PALLD: variants seen among roughly 807,000 people sequenced by gnomAD.
The protein encoded by PALLD is palladin, cytoskeletal associated protein.
A neutral mutation model predicts 123.5 loss-of-function variants in PALLD; 61 were observed. That is an observed-to-expected ratio of 0.49 (90% CI 0.40 to 0.61). The LOEUF (loss-of-function observed/expected upper bound fraction) is 0.61, where lower values mean the gene tolerates loss of function less well. Ranked by LOEUF, PALLD falls within the 20% of genes least tolerant of loss-of-function variation. The pLI, the probability that PALLD is intolerant of heterozygous loss-of-function variation, is 0.00. For synonymous variants in PALLD, 465 were observed against 496.4 expected, an observed-to-expected ratio of 0.94 and a Z score of 0.84; for missense variants, 1,273 against 1,377.0, an observed-to-expected ratio of 0.92 and a Z score of 1.20.
chr4:168,673,908 G>GTC (rs1389246171), intron 3 of PALLD, among the ~76,000 whole-genome samples: 1 of 151,740 alleles, frequency 6.6e-6, no homozygotes, highest in Admixed American at 6.6e-5. Flanking sequence ...GTGTGTGTGT[G>GTC]TGTGTGTGTC....
intron 10 of PALLD, among the ~76,000 whole-genome samples, chr4:168,798,984 G>A (rs548430100): frequency 2.6e-5 from 4 of 152,182 alleles, no homozygotes; most frequent in East Asian, 1.9e-4. Context: ...CGGGCAGCCC[G>A]CAGAATCACA....
intron 2 of PALLD, among the ~76,000 whole-genome samples, chr4:168,620,140 G>A (rs1389405144): frequency 6.6e-6 from 1 of 152,196 alleles, no homozygotes; most frequent in Non-Finnish European, 1.5e-5. Flanking sequence ...TTAATTTTGT[G>A]TTTGCTTTAA....
intron 10 of PALLD, among the ~76,000 whole-genome samples, chr4:168,738,800 T>C (rs1026902595): frequency 2.0e-5 from 3 of 151,594 alleles, no homozygotes; most frequent in Non-Finnish European, 4.4e-5. Flanking sequence ...TTTCATTATC[T>C]TACTCTTTTT....
intron 2 of PALLD, among the ~76,000 whole-genome samples, chr4:168,616,157 T>C (rs1247157053): frequency 2.0e-5 from 3 of 152,198 alleles, no homozygotes; most frequent in Non-Finnish European, 4.4e-5. Flanking sequence ...TATCCTGCCT[T>C]CATTTTGAGT....
intron 10 of PALLD, among the ~76,000 whole-genome samples, chr4:168,846,046 A>T (rs1282578478): frequency 6.6e-6 from 1 of 151,930 alleles, no homozygotes; most frequent in Admixed American, 6.6e-5. Context: ...TCTTTTTGCT[A>T]CTCTTCTGTC....
intron 2 of PALLD, among the ~76,000 whole-genome samples, chr4:168,634,236 AAC>A (rs1447556780): frequency 6.6e-6 from 1 of 152,230 alleles, no homozygotes; most frequent in African/African-American, 2.4e-5. Context: ...TTCTAATCGT[AAC>A]ACATATTATA....
At chr4:168,665,505 G>A (rs1432313557) in intron 2 of PALLD, among the ~76,000 whole-genome samples, 1 of 152,210 alleles carries the variant, frequency 6.6e-6, no homozygotes, top group African/African-American at 2.4e-5. Context: ...GGAGCTTGCA[G>A]TGAGCTGAGA....
chr4:168,860,199 G>A (rs116386885), intron 10 of PALLD, among the ~76,000 whole-genome samples: 1,634 of 152,250 alleles, frequency 0.011, 33 homozygotes, highest in African/African-American at 0.037. Flanking sequence ...AACTGCTGCT[G>A]AGTGTACAAA....
chr4:168,527,422 C>CAAAAAAAAAAAAAAAAAAA lies in PALLD; in HGVS notation c.908+15014_908+15032dup, dbSNP rs35555541. 1.9e-3 allele frequency among the ~76,000 whole-genome samples: 99 copies of CAAAAAAAAAAAAAAAAAAA among 52,914 alleles called. 8 individuals are homozygous for CAAAAAAAAAAAAAAAAAAA. The highest frequency in any genetic ancestry group is 3.3e-3 in the African/African-American group (29 of 8,860). The allele number at this position is 52,914 out of a possible 152,430, so 34.7% of individuals were successfully genotyped here. A position where few individuals can be genotyped will look rare whatever the true frequency, so the allele number is the denominator to read the frequency against. On this transcript the variant is annotated intron_variant, in intron 2 of 21. Coordinates refer to ENST00000505667, the MANE Select transcript of PALLD (RefSeq NM_001166108.2). ...GGGCAACAGGAGTGAAACTCCATCT[C>CAAAAAAAAAAAAAAAAAAA]AAAAAAAAAAAAAAAAAAAAAAGTC...
intron 1 of PALLD, among the ~76,000 whole-genome samples, chr4:168,499,765 T>C (rs1221651617): frequency 1.3e-5 from 2 of 152,196 alleles, no homozygotes; most frequent in East Asian, 1.9e-4. Context: ...TAAATGACTA[T>C]GGGAATTTAG....
intron 2 of PALLD, among the ~76,000 whole-genome samples, chr4:168,583,631 G>A (rs1263533466): frequency 6.6e-6 from 1 of 152,158 alleles, no homozygotes; most frequent in Admixed American, 6.5e-5. Context: ...TGGATAAAGA[G>A]GGAGACTCAA....
At chr4:168,634,449 C>G (rs373615100) in intron 2 of PALLD, among the ~76,000 whole-genome samples, 2 of 152,220 alleles carry the variant, frequency 1.3e-5, no homozygotes, top group African/African-American at 4.8e-5. Context: ...TGTTCTTCGA[C>G]TTTATCTGCC....
intron 2 of PALLD, among the ~76,000 whole-genome samples, chr4:168,611,260 C>T (rs932535172): frequency 8.5e-5 from 13 of 152,220 alleles, no homozygotes; most frequent in African/African-American, 3.1e-4. Flanking sequence ...TCTTTCTTCC[C>T]TCTAATGAGC....
intron 10 of PALLD, among the ~76,000 whole-genome samples, chr4:168,845,455 A>G (rs1746696592): frequency 6.6e-6 from 1 of 152,202 alleles, no homozygotes; most frequent in African/African-American, 2.4e-5. Flanking sequence ...TAATACAACA[A>G]TAGAAATAAT....
chr4:168,668,443 A>T lies in PALLD; in HGVS notation c.1087+75A>T, dbSNP rs947620096. ...ATGACTCCAGTATCTTGGGCATGCA[A>T]ATGTGCCTTTCCAATGCAAATGGCA... On this transcript the variant is annotated intron_variant, in intron 3 of 21. Coordinates refer to ENST00000505667, the MANE Select transcript of PALLD (RefSeq NM_001166108.2). The T allele has an allele frequency of 2.4e-6, 3 of 1,242,852 alleles. No individual in the cohort carries two copies. The African/African-American group carries it at 4.5e-5, about 19-fold the overall frequency. 77.0% of individuals were successfully genotyped at this position (1,242,852 alleles called of 1,614,324 possible).
chr4:168,890,950 G>C lies in PALLD; in HGVS notation c.1993G>C (p.Ala665Pro). Residue 665 changes from alanine to proline, a missense_variant, in exon 11 of 22, where the codon GCT becomes CCT. By Grantham distance (27) the Ala-to-Pro change is conservative. Transcript: ENST00000505667. ...LGFPKKASRT[A>P]RIASDEEIQG... is the part of the protein sequence containing the mutation. Reference sequence around the variant, plus strand: ...ATTTCCAAAGAAGGCCAGTAGAACTGCTAGAATAGCCTCCGATGAGGAAAT... The same window carrying C: ...ATTTCCAAAGAAGGCCAGTAGAACTCCTAGAATAGCCTCCGATGAGGAAAT... The C allele has an allele frequency of 6.2e-7, 1 of 1,613,994 alleles. No individual in the cohort carries two copies. Among genetic ancestry groups the C allele is most frequent in the Non-Finnish European group, 8.5e-7 (1 of 1,179,886 alleles).
chr4:168,698,128 A>C (rs549934732), intron 8 of PALLD, among the ~76,000 whole-genome samples: 1 of 152,216 alleles, frequency 6.6e-6, no homozygotes, highest in Non-Finnish European at 1.5e-5. Flanking sequence ...CAGAAAGACA[A>C]ACATCACATG....
chr4:168,912,756 A>C (rs1024082779), intron 15 of PALLD, among the ~76,000 whole-genome samples: 2 of 152,192 alleles, frequency 1.3e-5, no homozygotes, highest in Non-Finnish European at 2.9e-5. Flanking sequence ...TTCCAGCTAT[A>C]TGAAAATACA....
intron 10 of PALLD, chr4:168,712,313 A>G: frequency 3.4e-6 from 1 of 291,920 alleles, no homozygotes; most frequent in Non-Finnish European, 6.6e-6. Flanking sequence ...TTTAAATATT[A>G]AGTATCAGTA....
Sources: allele counts gnomAD v4.1 joint callset (sites outside exome capture counted in the v4.1 genomes callset), GRCh38; gene constraint gnomAD v4.1.1; transcripts MANE v1.5; gene names NCBI Gene and HGNC (gene_info 2026-07-23, HGNC 2026-07-21).